Variants in SND1 observed in about 807,000 individuals in gnomAD.
SND1 encodes staphylococcal nuclease and tudor domain containing 1.
SND1 carries 38 observed loss-of-function variants against 121.7 expected under a neutral mutation model. The ratio of observed to expected loss-of-function variants is 0.31; its 90% CI spans 0.24 to 0.41. The LOEUF (loss-of-function observed/expected upper bound fraction) is 0.41. Ranked by LOEUF, SND1 falls within the 10% of genes least tolerant of loss-of-function variation. The pLI, the probability that SND1 is intolerant of heterozygous loss-of-function variation, is 1.00. For missense variants in SND1, 868 were observed against 1,184.6 expected (o/e 0.73, Z 3.92); for synonymous variants, 401 against 447.4 (o/e 0.90, Z 1.31).
intron 12 of SND1, 112 bp from the exon 13 acceptor site, chr7:127,887,790 C>G (rs529684141): frequency 2.2e-5 from 14 of 639,642 alleles, no homozygotes; most frequent in South Asian, 1.5e-4. Flanking sequence ...CTTGGCTTCT[C>G]TCTCCCTCTG....
rs1796137122 is a variant in SND1, at chr7:127,703,388, G to A, written c.840+65G>A. 1.0e-5 allele frequency: 16 copies of A among 1,555,416 alleles called. No homozygotes were observed. The South Asian group carries it at 1.7e-4, about 17-fold the overall frequency. Reference sequence around the variant, plus strand: ...GATGCATTTGGGGTTTGAAGAATAGGGGTTTGCTTCTCTTTCTCTGTATTT... The same window carrying A: ...GATGCATTTGGGGTTTGAAGAATAGAGGTTTGCTTCTCTTTCTCTGTATTT... On this transcript the variant is annotated intron_variant, in intron 7 of 23. Coordinates refer to ENST00000354725, the MANE Select transcript of SND1 (RefSeq NM_014390.4).
At chr7:127,718,610 CAGAG>C (rs937633172) in intron 9 of SND1, 8 of 985,248 alleles carry the variant, frequency 8.1e-6, no homozygotes, top group East Asian at 1.1e-4. Context: ...TGCTGAGCAG[CAGAG>C]AGAGTCTGCT....
Position 128,091,827 on chromosome 7 carries a change from G to T in SND1, c.2623-10G>T, listed in dbSNP as rs368521428. ...CTCTGACCACTCCCTTTCTTCTCTCGTCCCTCCAGATCACAGAATACCTGA... is the reference window on the plus strand; with the variant it reads ...CTCTGACCACTCCCTTTCTTCTCTCTTCCCTCCAGATCACAGAATACCTGA... On this transcript the variant is annotated splice_polypyrimidine_tract_variant and intron_variant, in intron 22 of 23. Coordinates refer to ENST00000354725, the MANE Select transcript of SND1 (RefSeq NM_014390.4). 2.2e-5 allele frequency: 35 copies of T among 1,614,082 alleles called. No homozygotes were observed. Among genetic ancestry groups the T allele is most frequent in the Non-Finnish European group, 3.0e-5 (35 of 1,180,014 alleles).
At chr7:128,003,444 T>G (rs1275688090) in intron 16 of SND1, among the ~76,000 whole-genome samples, 2 of 152,180 alleles carry the variant, frequency 1.3e-5, no homozygotes, top group Non-Finnish European at 2.9e-5. Context: ...GCAGTCGAAT[T>G]CTTTTTAATG....
intron 16 of SND1, among the ~76,000 whole-genome samples, chr7:128,045,075 A>G (rs1224675821): frequency 1.3e-5 from 2 of 152,244 alleles, no homozygotes; most frequent in East Asian, 3.8e-4. Flanking sequence ...AGAGGCAGAT[A>G]CGAGCTGATG....
At chr7:127,801,374 G>C (rs1041108814) in intron 10 of SND1, among the ~76,000 whole-genome samples, 8 of 152,172 alleles carry the variant, frequency 5.3e-5, no homozygotes, top group African/African-American at 1.9e-4. Flanking sequence ...CTTCAGTGAA[G>C]TACCTGTTTA....
At chr7:127,654,695 A>G (rs1795181595) in intron 1 of SND1, among the ~76,000 whole-genome samples, 1 of 152,206 alleles carries the variant, frequency 6.6e-6, no homozygotes, top group Non-Finnish European at 1.5e-5. Context: ...AGTGGCATAT[A>G]CAATTCAGTG....
chr7:128,040,403 A>T (rs563259629), intron 16 of SND1, among the ~76,000 whole-genome samples: 1 of 140,976 alleles, frequency 7.1e-6, no homozygotes, highest in African/African-American at 2.7e-5. Context: ...ACTCACTCCA[A>T]CTCTGGTCAT....
At chr7:127,805,763 T>A (rs1013651251) in intron 10 of SND1, among the ~76,000 whole-genome samples, 2 of 152,214 alleles carry the variant, frequency 1.3e-5, no homozygotes, top group African/African-American at 2.4e-5. Flanking sequence ...CAGTTTGGAC[T>A]GCACAGAGGT....
intron 3 of SND1, among the ~76,000 whole-genome samples, chr7:127,698,396 A>G (rs1282953178): frequency 1.3e-5 from 2 of 152,178 alleles, no homozygotes; most frequent in Non-Finnish European, 2.9e-5. Context: ...ATTTACACAC[A>G]TTACTATTTA....
intron 16 of SND1, 31 bp from the exon 17 acceptor site, chr7:128,074,471 C>G (rs55998540): frequency 0.031 from 48,350 of 1,583,538 alleles, 902 homozygotes; most frequent in Non-Finnish European, 0.035. Flanking sequence ...GGCCTGGCCC[C>G]CACAGGCTTA....
intron 11 of SND1, among the ~76,000 whole-genome samples, chr7:127,819,354 G>A (rs1798503770): frequency 6.6e-6 from 1 of 152,098 alleles, no homozygotes; most frequent in Admixed American, 6.5e-5. Flanking sequence ...TTCTTTCATT[G>A]TTCCTCATTT....
intron 14 of SND1, among the ~76,000 whole-genome samples, chr7:127,910,054 T>G (rs895742307): frequency 6.6e-5 from 10 of 152,208 alleles, no homozygotes; most frequent in Admixed American, 5.2e-4. Context: ...TCTTTGAGGT[T>G]TCTGTAGGTG....
At chr7:127,984,169 T>G (rs748837149) in intron 15 of SND1, among the ~76,000 whole-genome samples, 5 of 152,210 alleles carry the variant, frequency 3.3e-5, no homozygotes, top group Non-Finnish European at 7.3e-5. Flanking sequence ...TTCCTAGAAT[T>G]GAACATAGGT....
intron 14 of SND1, among the ~76,000 whole-genome samples, chr7:127,914,344 T>G (rs1362841823): frequency 6.6e-6 from 1 of 152,222 alleles, no homozygotes; most frequent in African/African-American, 2.4e-5. Context: ...ATGCTGTCTC[T>G]TCTCCCCTGC....
intron 14 of SND1, among the ~76,000 whole-genome samples, chr7:127,920,860 A>AC (rs1007208878): frequency 1.5e-4 from 21 of 139,842 alleles, no homozygotes; most frequent in Non-Finnish European, 2.0e-4. Flanking sequence ...TATCTTAACA[A>AC]AAAAAAAAAA....
At chr7:128,019,612 G>C (rs1057101437) in intron 16 of SND1, among the ~76,000 whole-genome samples, 3 of 152,216 alleles carry the variant, frequency 2.0e-5, no homozygotes, top group African/African-American at 7.2e-5. Flanking sequence ...GTTGAAAAGA[G>C]AGGTAACTCC....
chr7:127,652,201 G>A lies in SND1; in HGVS notation c.-173G>A, dbSNP rs1026808860. 1.5e-6 allele frequency: 1 copy of A among 661,418 alleles called. No homozygotes were observed. The allele number at this position is 661,418 out of a possible 1,614,324, so 41.0% of individuals were successfully genotyped here. ...CGGCGGCGGAGATCGCGTCTCTTTC[G>A]CTCCGTGTCCCGCTGCTGCTCCTGT... On this transcript the variant is annotated 5_prime_UTR_variant, in exon 1 of 24. Transcript: ENST00000354725.
chr7:128,091,841 C>A lies in SND1; in HGVS notation c.2627C>A (p.Thr876Lys). The change falls in exon 23 of 24, where the codon ACA (threonine) becomes AAA (lysine). Residue 876 changes from threonine (T) to lysine (K), a missense_variant. Physicochemically the swap from Thr to Lys is moderately conservative, Grantham distance 78. Around this residue, in one of 2 missense-constraint regions of SND1, gnomAD observed 743 missense variants for 1,071.3 expected, o/e 0.69. Transcript: ENST00000354725. ...TTTCTTCTCTCGTCCCTCCAGATCA[C>A]AGAATACCTGAATGCCCAAGAGTCA... ...RKEKQFQKVI[T>K]EYLNAQESAK... The A allele has an allele frequency of 6.2e-7, 1 of 1,614,184 alleles. No individual in the cohort carries two copies. Among genetic ancestry groups the A allele is most frequent in the Non-Finnish European group, 8.5e-7 (1 of 1,180,020 alleles).
Sources: allele counts gnomAD v4.1 joint callset (sites outside exome capture counted in the v4.1 genomes callset), GRCh38; gene constraint gnomAD v4.1.1; regional missense constraint gnomAD v4.1.1; transcripts MANE v1.5; gene names NCBI Gene and HGNC (gene_info 2026-07-23, HGNC 2026-07-21).